Variants in FBXL17 observed in about 807,000 individuals in gnomAD.
The protein encoded by FBXL17 is F-box/LRR-repeat protein 17.
Under a neutral mutation model 66.2 loss-of-function variants are expected in FBXL17, and 22 were observed. That is an observed-to-expected ratio of 0.33 (90% CI 0.24 to 0.47). The LOEUF (loss-of-function observed/expected upper bound fraction) is 0.47, where lower values mean the gene tolerates loss of function less well. Ranked by LOEUF, FBXL17 falls within the 20% of genes least tolerant of loss-of-function variation. The pLI is 1.00. For synonymous variants in FBXL17, 474 were observed against 400.5 expected, an observed-to-expected ratio of 1.18 and a Z score of -2.19; for missense variants, 878 against 948.2, an observed-to-expected ratio of 0.93 and a Z score of 0.97.
At chr5:108,146,325 A>G (rs545110960) in intron 6 of FBXL17, among the ~76,000 whole-genome samples, 2 of 152,012 alleles carry the variant, frequency 1.3e-5, no homozygotes, top group Non-Finnish European at 2.9e-5. Context: ...AAAATGAAGC[A>G]CAAATCCCCA....
At chr5:108,232,825 T>A (rs1755425848) in intron 4 of FBXL17, among the ~76,000 whole-genome samples, 1 of 108,798 alleles carries the variant, frequency 9.2e-6, no homozygotes, top group South Asian at 3.0e-4. Flanking sequence ...ATTAGTTCTG[T>A]CCCTCTAGGG....
At chr5:108,195,023 T>C (rs1753625030) in intron 5 of FBXL17, among the ~76,000 whole-genome samples, 2 of 152,188 alleles carry the variant, frequency 1.3e-5, no homozygotes. Flanking sequence ...AAAAGTATTA[T>C]TCATGTAGTC....
chr5:107,913,495 CAAT>C (rs998095731), intron 7 of FBXL17, among the ~76,000 whole-genome samples: 20 of 152,240 alleles, frequency 1.3e-4, no homozygotes, highest in Admixed American at 9.2e-4. Flanking sequence ...ATGATCATGA[CAAT>C]GATGATGGTG....
At chr5:108,317,703 T>C (rs762672006) in intron 4 of FBXL17, among the ~76,000 whole-genome samples, 20 of 151,438 alleles carry the variant, frequency 1.3e-4, no homozygotes, top group Non-Finnish European at 2.1e-4. Flanking sequence ...CCAATAAGCA[T>C]AACCTAAGTA....
chr5:108,098,942 A>G (rs1469295177), intron 6 of FBXL17, among the ~76,000 whole-genome samples: 1 of 152,202 alleles, frequency 6.6e-6, no homozygotes, highest in Non-Finnish European at 1.5e-5. Flanking sequence ...TTCAGAGAAT[A>G]TAAGATCAGT....
chr5:108,228,039 C>T (rs1368533394), intron 4 of FBXL17, among the ~76,000 whole-genome samples: 1 of 152,110 alleles, frequency 6.6e-6, no homozygotes, highest in Non-Finnish European at 1.5e-5. Flanking sequence ...AAACTCAGGT[C>T]CAAGAGGCCA....
intron 6 of FBXL17, among the ~76,000 whole-genome samples, chr5:108,164,245 T>G (rs751336228): frequency 2.0e-5 from 3 of 152,328 alleles, no homozygotes; most frequent in Admixed American, 1.3e-4. Flanking sequence ...GAACCAGGAC[T>G]GTGGTGCACC....
At chr5:108,183,132 C>T (rs1253381674) in intron 6 of FBXL17, among the ~76,000 whole-genome samples, 1 of 151,396 alleles carries the variant, frequency 6.6e-6, no homozygotes, top group African/African-American at 2.4e-5. Context: ...CCTCTGCCTC[C>T]CAGGTTCAAG....
intron 6 of FBXL17, among the ~76,000 whole-genome samples, chr5:108,180,126 A>G (rs1188343981): frequency 6.6e-6 from 1 of 152,208 alleles, no homozygotes; most frequent in Non-Finnish European, 1.5e-5. Context: ...TAAATACTGT[A>G]TATGCCAAAC....
intron 6 of FBXL17, among the ~76,000 whole-genome samples, chr5:108,123,907 C>A (rs1335417666): frequency 1.3e-5 from 2 of 152,128 alleles, no homozygotes; most frequent in African/African-American, 4.8e-5. Flanking sequence ...TCCCACGGAA[C>A]CTACGGCTGA....
chr5:108,167,927 G>A (rs77201923), intron 6 of FBXL17, among the ~76,000 whole-genome samples: 1 of 152,140 alleles, frequency 6.6e-6, no homozygotes, highest in East Asian at 1.9e-4. Context: ...GTCAGAAACG[G>A]AAAGACTCAT....
intron 8 of FBXL17, among the ~76,000 whole-genome samples, chr5:107,864,344 A>G (rs551889608): frequency 6.6e-6 from 1 of 152,360 alleles, no homozygotes; most frequent in South Asian, 2.1e-4. Context: ...AATGTTTAAA[A>G]TAAATTAATC....
chr5:108,208,704 G>T (rs898970132), intron 5 of FBXL17, among the ~76,000 whole-genome samples: 2 of 152,070 alleles, frequency 1.3e-5, no homozygotes, highest in African/African-American at 2.4e-5. Context: ...TGCTGTTTTG[G>T]TTACTGTACC....
chr5:107,955,388 A>G (rs1483056317), intron 7 of FBXL17, among the ~76,000 whole-genome samples: 2 of 152,156 alleles, frequency 1.3e-5, no homozygotes, highest in Admixed American at 6.5e-5. Context: ...TTAAAAACCA[A>G]TAACTAAGAA....
chr5:108,353,867 C>A (rs1457472244), intron 3 of FBXL17, among the ~76,000 whole-genome samples: 1 of 152,216 alleles, frequency 6.6e-6, no homozygotes, highest in African/African-American at 2.4e-5. Flanking sequence ...CCACACCTAA[C>A]CACTACATTA....
chr5:108,077,277 T>C (rs575882334), intron 6 of FBXL17, among the ~76,000 whole-genome samples: 18 of 152,352 alleles, frequency 1.2e-4, no homozygotes, highest in African/African-American at 4.3e-4. Context: ...AGGCCAAGTA[T>C]GATAAGACTA....
intron 6 of FBXL17, among the ~76,000 whole-genome samples, chr5:108,148,623 C>A (rs770276233): frequency 6.6e-6 from 1 of 152,104 alleles, no homozygotes; most frequent in Non-Finnish European, 1.5e-5. Flanking sequence ...ATAGGCAAAA[C>A]GTAATTATAT....
At chr5:108,098,808 A>C (rs1226597078) in intron 6 of FBXL17, among the ~76,000 whole-genome samples, 1 of 152,138 alleles carries the variant, frequency 6.6e-6, no homozygotes, top group Non-Finnish European at 1.5e-5. Flanking sequence ...AGCTGAAAAA[A>C]AATATATACT....
chr5:108,148,934 AACT>A (rs1391478363), intron 6 of FBXL17, among the ~76,000 whole-genome samples: 1 of 152,240 alleles, frequency 6.6e-6, no homozygotes, highest in African/African-American at 2.4e-5. Flanking sequence ...CTTAAATGTT[AACT>A]ACATGTCAGT....
Sources: gnomAD v4.1 joint callset for allele counts (sites outside exome capture counted in the v4.1 genomes callset) on GRCh38, gnomAD v4.1.1 for gene constraint, MANE v1.5 for transcripts, NCBI Gene and HGNC (gene_info 2026-07-23, HGNC 2026-07-21) for gene names.